Variants in PNPLA5 observed in about 807,000 individuals in gnomAD.
PNPLA5 encodes the protein patatin like domain 5, triacylglycerol lipase.
A neutral mutation model predicts 49.1 loss-of-function variants in PNPLA5; 44 were observed. The observed-to-expected ratio is 0.90, with a 90% CI of 0.70 to 1.15. The LOEUF (loss-of-function observed/expected upper bound fraction) is 1.15. Ranked by LOEUF, PNPLA5 falls within the 50% of genes most tolerant of loss-of-function variation. The pLI is 0.00. For missense variants in PNPLA5, 603 were observed against 564.0 expected, an observed-to-expected ratio of 1.07 and a Z score of -0.70; for synonymous variants, 243 against 244.4, an observed-to-expected ratio of 0.99 and a Z score of 0.06.
At chr22:43,881,247 C>G (rs572992466) in intron 8 of PNPLA5, among the ~76,000 whole-genome samples, 1 of 152,326 alleles carries the variant, frequency 6.6e-6, no homozygotes, top group Admixed American at 6.5e-5. Flanking sequence ...ACGTCTGGAA[C>G]AATGGCAGGA....
At chr22:43,887,562 T>A in intron 5 of PNPLA5, 29 bp downstream of exon 5, 1 of 1,604,444 alleles carries the variant, frequency 6.2e-7, no homozygotes, top group Non-Finnish European at 8.5e-7. Flanking sequence ...TGGGACATGA[T>A]CCCCAGCCAC....
In PNPLA5 at chr22:43,892,008, G is replaced by T. The variant is rs922442968; in HGVS notation, c.-128C>A. ...CTCTGGAGGGAGCCGGGCTGGGGCT[G>T]GTGCTGGTGCTCCCTGCGCCGCCCC... On this transcript the variant is annotated 5_prime_UTR_variant, in exon 1 of 9. Coordinates refer to ENST00000216177, the MANE Select transcript of PNPLA5 (RefSeq NM_138814.4). 106 of 951,044 alleles carry T rather than the reference G, an allele frequency of 1.1e-4. No individual in the cohort carries two copies. The highest frequency in any genetic ancestry group is 1.6e-4 in the Non-Finnish European group (104 of 669,932). 58.9% of individuals were successfully genotyped at this position (951,044 alleles called of 1,614,324 possible). A position where few individuals can be genotyped will look rare whatever the true frequency, so the allele number is the denominator to read the frequency against.
chr22:43,886,550 T>C, intron 5 of PNPLA5, 62 bp from the exon 6 acceptor site: 1 of 1,542,560 alleles, frequency 6.5e-7, no homozygotes, highest in Non-Finnish European at 8.7e-7. Context: ...CGCCCCATGC[T>C]GCCCACATCC....
At position 43,891,131 on chromosome 22, in the gene PNPLA5, C is replaced by T; in HGVS notation, c.357G>A (p.Ser119=). Residue 119 remains serine, a synonymous_variant, in exon 2 of 9, where the codon TCG becomes TCA. Transcript: ENST00000216177. ...TGCGTCCGTCAGGCCAGCGGGTCAG[C>T]GAAATGCCCAGCCGCTGGGAGGCCA... ...HVLASQRLGI[S]LTRWPDGRNF... The T allele has an allele frequency of 6.2e-7, 1 of 1,606,992 alleles. No homozygotes were observed. Among genetic ancestry groups the T allele is most frequent in the Non-Finnish European group, 8.5e-7 (1 of 1,175,822 alleles).
intron 6 of PNPLA5, 84 bp downstream of exon 6, chr22:43,886,219 G>A (rs1379880408): frequency 1.9e-5 from 27 of 1,454,914 alleles, no homozygotes; most frequent in Middle Eastern, 1.8e-4. Context: ...TCCAGACCAC[G>A]AGTGCCTTCA....
rs2049664669 is a variant in PNPLA5, at chr22:43,886,403, G to A, written c.849C>T (p.Asp283=). 6.2e-7 allele frequency: 1 copy of A among 1,614,034 alleles called. No homozygotes were observed. Among genetic ancestry groups the A allele is most frequent in the African/African-American group, 1.3e-5 (1 of 74,890 alleles). The stretch of plus-strand genomic sequence containing the variant: ...GAGACAGGCCCCCCTTCCAGCGTTG[G>A]TCACAGCCAGCATCCCAGTTTCCGT... ...PADGNWDAGC[D]QRWKGGLSLN... Residue 283 remains aspartate, a synonymous_variant, in exon 6 of 9, where the codon GAC becomes GAT. Coordinates refer to ENST00000216177, the MANE Select transcript of PNPLA5 (RefSeq NM_138814.4).
At chr22:43,891,420 G>C in intron 1 of PNPLA5, 126 bp from the exon 2 acceptor site, 2 of 1,410,976 alleles carry the variant, frequency 1.4e-6, no homozygotes, top group South Asian at 3.1e-5. Context: ...GAATTTCTGG[G>C]CTCGGCCCCG....
In PNPLA5 at chr22:43,892,001, T is replaced by G. The variant is rs2049731632; in HGVS notation, c.-121A>C. 4 of 1,044,908 alleles carry G rather than the reference T, an allele frequency of 3.8e-6. No homozygotes were observed. The allele number at this position is 1,044,908 out of a possible 1,614,324, so 64.7% of individuals were successfully genotyped here. A position where few individuals can be genotyped will look rare whatever the true frequency, so the allele number is the denominator to read the frequency against. On this transcript the variant is annotated 5_prime_UTR_variant, in exon 1 of 9. Coordinates refer to ENST00000216177, the MANE Select transcript of PNPLA5 (RefSeq NM_138814.4). ...ATGTGGGCTCTGGAGGGAGCCGGGC[T>G]GGGGCTGGTGCTGGTGCTCCCTGCG...
chr22:43,890,940 GT>G lies in PNPLA5; in HGVS notation c.426+121del, dbSNP rs951391750. 3.9e-6 allele frequency: 5 copies of G among 1,298,044 alleles called. No individual in the cohort carries two copies. The African/African-American group carries it at 7.4e-5, about 19-fold the overall frequency. 80.4% of individuals were successfully genotyped at this position (1,298,044 alleles called of 1,614,324 possible). On this transcript the variant is annotated intron_variant, in intron 2 of 8. Transcript: ENST00000216177. ...CCTCAGTTTCCTCACCTACAAACAG[GT>G]CCACCCGCCCTCCCTCCTTCCGCCC...
Position 43,881,645 on chromosome 22 carries a change from G to A in PNPLA5, c.1112C>T (p.Ala371Val), listed in dbSNP as rs750219589. Residue 371 changes from alanine to valine, a missense_variant, in exon 8 of 9, where the codon GCG becomes GTG. Coordinates refer to ENST00000216177, the MANE Select transcript of PNPLA5 (RefSeq NM_138814.4). ...CAGGCCCTGCATCCACCACAAGTCC[G>A]CCGGCACATCGGGCAGCCACACCAC... is the stretch of plus-strand genomic sequence containing the variant. ...RLVVWLPDVPADLWWMQGLLR... is the reference protein window; with the variant it reads ...RLVVWLPDVPVDLWWMQGLLR... The A allele has an allele frequency of 1.4e-5, 23 of 1,613,564 alleles. No homozygotes were observed. The highest frequency in any genetic ancestry group is 1.7e-5 in the Admixed American group (1 of 59,984).
chr22:43,884,744 A>G (rs1388501122), intron 6 of PNPLA5, among the ~76,000 whole-genome samples: 1 of 152,150 alleles, frequency 6.6e-6, no homozygotes, highest in Non-Finnish European at 1.5e-5. Flanking sequence ...CAGTAACACG[A>G]CAGTGTTATT....
intron 7 of PNPLA5, among the ~76,000 whole-genome samples, chr22:43,883,003 G>A (rs552184304): frequency 6.6e-5 from 10 of 152,264 alleles, no homozygotes; most frequent in African/African-American, 9.6e-5. Flanking sequence ...CCCCTGCGTC[G>A]TGTACGGCAC....
intron 6 of PNPLA5, among the ~76,000 whole-genome samples, chr22:43,884,841 C>G (rs1456442549): frequency 6.6e-6 from 1 of 152,238 alleles, no homozygotes; most frequent in Non-Finnish European, 1.5e-5. Context: ...GGACCAGCAT[C>G]TGGGCTGGGA....
In PNPLA5 at chr22:43,889,536, G is replaced by A. The variant is rs373828291; in HGVS notation, c.495C>T (p.Arg165=). The A allele has an allele frequency of 2.6e-5, 42 of 1,603,056 alleles. No individual in the cohort carries two copies. The highest frequency in any genetic ancestry group is 7.7e-6 in the Non-Finnish European group (9 of 1,172,888). Residue 165 remains arginine, a splice_region_variant and synonymous_variant, in exon 4 of 9, where the codon CGC becomes CGT. Coordinates refer to ENST00000216177, the MANE Select transcript of PNPLA5 (RefSeq NM_138814.4). ...TGTTGCTCAGAGCCCCATCGATGTA[G>A]CGCTGCAATTTGTGGGGAGCAGGTG... ...GLIPPEFRGE[R]YIDGALSNNL...
rs1449937647 is a variant in PNPLA5 at position 43,891,958 on chromosome 22, G to C, written c.-78C>G. The stretch of plus-strand genomic sequence containing the variant: ...CGGGATAGGGCCGGGATGCAGCCTT[G>C]GACGGGGCTGGGCCCAAATGTGGGC... On this transcript the variant is annotated 5_prime_UTR_variant, in exon 1 of 9. Coordinates refer to ENST00000216177, the MANE Select transcript of PNPLA5 (RefSeq NM_138814.4). The C allele has an allele frequency of 7.2e-7, 1 of 1,390,866 alleles. No individual in the cohort carries two copies. Among genetic ancestry groups the C allele is most frequent in the African/African-American group, 1.5e-5 (1 of 65,720 alleles). 86.2% of individuals were successfully genotyped at this position (1,390,866 alleles called of 1,614,324 possible). A position where few individuals can be genotyped will look rare whatever the true frequency, so the allele number is the denominator to read the frequency against.
At chr22:43,881,859 C>T (rs1333243010) in intron 7 of PNPLA5, 185 bp from the exon 8 acceptor site, 1 of 738,666 alleles carries the variant, frequency 1.4e-6, no homozygotes, top group East Asian at 1.3e-4. Context: ...GGGACACCTG[C>T]AGGGTTGGAA....
Position 43,891,065 on chromosome 22 carries a change from G to A in PNPLA5, c.423C>T (p.Ile141=). Residue 141 remains isoleucine, a synonymous_variant, in exon 2 of 9, where the codon ATC becomes ATT. Coordinates refer to ENST00000216177, the MANE Select transcript of PNPLA5 (RefSeq NM_138814.4). ...VTDFATCDEL[I]QALVCTLYFP... Reference sequence around the variant, plus strand: ...CTGGGCACCCCCCGCCCCACACCTGGATGAGCTCATCGCAGGTGGCGAAGT... The same window carrying A: ...CTGGGCACCCCCCGCCCCACACCTGAATGAGCTCATCGCAGGTGGCGAAGT... The A allele has an allele frequency of 1.2e-6, 2 of 1,608,194 alleles. No homozygotes were observed. The highest frequency in any genetic ancestry group is 1.7e-6 in the Non-Finnish European group (2 of 1,178,278).
intron 7 of PNPLA5, among the ~76,000 whole-genome samples, chr22:43,883,301 G>A (rs888833282): frequency 6.6e-6 from 1 of 152,208 alleles, no homozygotes; most frequent in African/African-American, 2.4e-5. Flanking sequence ...AGGTGAGTGT[G>A]TGATAATTTG....
intron 5 of PNPLA5, 186 bp from the exon 6 acceptor site, chr22:43,886,674 C>A: frequency 1.1e-6 from 1 of 935,064 alleles, no homozygotes; most frequent in Non-Finnish European, 1.3e-6. Flanking sequence ...TGCTCCCTGC[C>A]CACTTTCGAG....
Sources: gnomAD v4.1 joint callset for allele counts (sites outside exome capture counted in the v4.1 genomes callset) on GRCh38, gnomAD v4.1.1 for gene constraint, MANE v1.5 for transcripts, NCBI Gene and HGNC (gene_info 2026-07-23, HGNC 2026-07-21) for gene names.